The following PIK3C3 variants were observed in gnomAD, a reference collection of about 807,000 sequenced individuals.
PIK3C3 encodes PI3-kinase type 3.
PIK3C3 carries 95 observed loss-of-function variants against 126.1 expected under a neutral mutation model. The observed-to-expected ratio is 0.75, with a 90% CI of 0.64 to 0.89. The LOEUF is 0.89. Ranked by LOEUF, PIK3C3 falls within the 40% of genes least tolerant of loss-of-function variation. PIK3C3 has a pLI of 0.00. For missense variants in PIK3C3, 829 were observed against 1,063.2 expected (o/e 0.78, Z 3.06); for synonymous variants, 374 against 360.0 (o/e 1.04, Z -0.44).
intron 23 of PIK3C3, 82 bp from the exon 24 acceptor site, chr18:42,067,306 A>G (rs1293136827): frequency 8.1e-7 from 1 of 1,233,070 alleles, no homozygotes; most frequent in Non-Finnish European, 1.2e-6. Flanking sequence ...TTACCTTATA[A>G]TGTCTGCATC....
chr18:42,003,724 G>C (rs901534251), intron 9 of PIK3C3, among the ~76,000 whole-genome samples: 3 of 152,198 alleles, frequency 2.0e-5, no homozygotes, highest in African/African-American at 7.2e-5. Flanking sequence ...TGTACAACCA[G>C]CCAGATCATA....
At chr18:42,074,523 TTTA>T (rs1270618302) in intron 24 of PIK3C3, among the ~76,000 whole-genome samples, 3 of 152,268 alleles carry the variant, frequency 2.0e-5, no homozygotes, top group African/African-American at 7.2e-5. Context: ...AATTCATGAA[TTTA>T]TTATTTCCTG....
At chr18:41,970,549 A>G (rs762757819) in intron 4 of PIK3C3, 93 bp downstream of exon 4, 1 of 1,098,848 alleles carries the variant, frequency 9.1e-7, no homozygotes, top group Non-Finnish European at 1.4e-6. Flanking sequence ...CAGATTTTTA[A>G]AAAATCTAAA....
intron 21 of PIK3C3, chr18:42,050,778 C>T (rs1568000997): frequency 6.6e-6 from 1 of 152,236 alleles, no homozygotes; most frequent in Non-Finnish European, 1.5e-5. Flanking sequence ...TTTATTGGGG[C>T]CTTGTGGCTT....
chr18:41,985,812 A>G (rs909026872), intron 4 of PIK3C3, among the ~76,000 whole-genome samples: 4 of 152,118 alleles, frequency 2.6e-5, no homozygotes, highest in African/African-American at 4.8e-5. Flanking sequence ...ATCATATGCT[A>G]TATGGGAGAT....
rs1304256258 is a variant in PIK3C3 at position 41,955,365 on chromosome 18, A to ATTCTT, written c.68+6_68+7insTTCTT. 6.2e-7 allele frequency: 1 copy of ATTCTT among 1,611,964 alleles called. No homozygotes were observed. The highest frequency in any genetic ancestry group is 1.7e-5 in the Admixed American group (1 of 59,908). ...ATCAACGTCCAGCTTAAGATGTAAG[A>ATTCTT]GAACACTCGGGACAGGGAGTGGGAT... On this transcript the variant is annotated splice_region_variant and intron_variant, in intron 1 of 24. Transcript: ENST00000262039.
intron 2 of PIK3C3, among the ~76,000 whole-genome samples, chr18:41,961,211 A>G (rs1197147598): frequency 6.6e-6 from 1 of 152,198 alleles, no homozygotes. Context: ...ATCCAAAAAG[A>G]AATTTGGATA....
At chr18:42,066,353 CTAG>C (rs1388274365) in intron 23 of PIK3C3, among the ~76,000 whole-genome samples, 1 of 152,140 alleles carries the variant, frequency 6.6e-6, no homozygotes, top group Non-Finnish European at 1.5e-5. Context: ...TTGTAGCTTT[CTAG>C]TAGTGAAACC....
intron 9 of PIK3C3, among the ~76,000 whole-genome samples, chr18:41,998,057 CCTTT>C (rs1252882101): frequency 3.9e-5 from 6 of 152,192 alleles, no homozygotes; most frequent in South Asian, 2.1e-4. Context: ...AACCAAATGT[CCTTT>C]CTTTAGTTTC....
At chr18:41,965,141 A>G (rs1335223365) in intron 3 of PIK3C3, among the ~76,000 whole-genome samples, 1 of 152,238 alleles carries the variant, frequency 6.6e-6, no homozygotes, top group East Asian at 1.9e-4. Flanking sequence ...GAAGAAAAAG[A>G]AAAATGTACA....
intron 4 of PIK3C3, among the ~76,000 whole-genome samples, chr18:41,981,821 A>G (rs1016874084): frequency 6.8e-6 from 1 of 147,650 alleles, no homozygotes; most frequent in Non-Finnish European, 1.5e-5. Context: ...AAAAAAAAAG[A>G]AAAAATTAGC....
intron 10 of PIK3C3, among the ~76,000 whole-genome samples, chr18:42,012,439 A>G (rs1009282540): frequency 6.6e-6 from 1 of 152,192 alleles, no homozygotes; most frequent in Non-Finnish European, 1.5e-5. Flanking sequence ...TGGTAGTCCC[A>G]AAGTCTCAGA....
chr18:42,000,543 A>G (rs948963146), intron 9 of PIK3C3, among the ~76,000 whole-genome samples: 7 of 152,146 alleles, frequency 4.6e-5, no homozygotes, highest in Admixed American at 4.6e-4. Flanking sequence ...AACCTGATGG[A>G]TTTATATACG....
At position 42,027,536 on chromosome 18, in the gene PIK3C3, A is replaced by C; in HGVS notation, c.1578A>C (p.Gln526His). ...MYLNVMRRFS[Q>H]ALLKGDKSVR... ...TGAACGTAATGAGAAGATTCAGCCAAGCATTGTTGAAGGTAACCCTTAAAT... is the reference window on the plus strand; with the variant it reads ...TGAACGTAATGAGAAGATTCAGCCACGCATTGTTGAAGGTAACCCTTAAAT... The change falls in exon 14 of 25, where the codon CAA becomes CAC. Residue 526 changes from glutamine to histidine, a missense_variant. Coordinates refer to ENST00000262039, the MANE Select transcript of PIK3C3 (RefSeq NM_002647.4). 6.2e-7 allele frequency: 1 copy of C among 1,607,142 alleles called. No individual in the cohort carries two copies. The highest frequency in any genetic ancestry group is 8.5e-7 in the Non-Finnish European group (1 of 1,174,320).
At chr18:42,075,656 G>C (rs1415128324) in intron 24 of PIK3C3, among the ~76,000 whole-genome samples, 3 of 150,612 alleles carry the variant, frequency 2.0e-5, no homozygotes, top group Non-Finnish European at 4.4e-5. Context: ...TTGAGTCCCA[G>C]ATCTAGTCCT....
At chr18:42,051,000 A>G (rs1238404359) in intron 21 of PIK3C3, 2 of 152,192 alleles carry the variant, frequency 1.3e-5, no homozygotes, top group Non-Finnish European at 2.9e-5. Context: ...AATGCTCTCT[A>G]CTTATTACTG....
chr18:42,011,071 A>C (rs1982800722), intron 10 of PIK3C3, among the ~76,000 whole-genome samples: 1 of 152,214 alleles, frequency 6.6e-6, no homozygotes. Context: ...AAATATTCAT[A>C]AACCATGCTC....
intron 4 of PIK3C3, among the ~76,000 whole-genome samples, chr18:41,973,370 G>C (rs1409532715): frequency 6.6e-6 from 1 of 151,808 alleles, no homozygotes; most frequent in Non-Finnish European, 1.5e-5. Context: ...CCTAAAACAT[G>C]GTCTTGCCTT....
chr18:41,986,446 C>G (rs1330166978), intron 4 of PIK3C3, among the ~76,000 whole-genome samples: 1 of 152,024 alleles, frequency 6.6e-6, no homozygotes, highest in Admixed American at 6.6e-5. Flanking sequence ...ATAATACCAC[C>G]TGTTATATTT....
Sources: allele counts gnomAD v4.1 joint callset (sites outside exome capture counted in the v4.1 genomes callset), GRCh38; gene constraint gnomAD v4.1.1; transcripts MANE v1.5; gene names NCBI Gene and HGNC (gene_info 2026-07-23, HGNC 2026-07-21).